The following CCZ1 variants were observed in gnomAD, a reference collection of about 807,000 sequenced individuals.
CCZ1 encodes the protein CCZ1 vacuolar protein trafficking and biogenesis associated.
In CCZ1, 19 loss-of-function variants were observed where a neutral mutation model predicts 57.8. The ratio of observed to expected loss-of-function variants is 0.33; its 90% CI spans 0.23 to 0.48. The LOEUF is 0.48. Ranked by LOEUF, CCZ1 falls within the 20% of genes least tolerant of loss-of-function variation. The pLI is 0.99. For synonymous variants in CCZ1, 81 were observed against 167.0 expected (o/e 0.49, Z 3.97); for missense variants, 200 against 492.0 (o/e 0.41, Z 5.61).
intron 12 of CCZ1, among the ~76,000 whole-genome samples, chr7:5,920,463 T>C: frequency 3.6e-5 from 3 of 82,756 alleles, no homozygotes; most frequent in Admixed American, 1.3e-4. Context: ...GAATTCTTTC[T>C]CCCTGGCTTT....
Position 5,923,665 on chromosome 7 carries a change from C to CCAAA in CCZ1, c.1265+123_1265+126dup, listed in dbSNP as rs1459934543. ...TGAACCACCTTCATGGGCGCCGCTT[C>CCAAA]CAAACAGACCCGGGAGCCCTGAAGT... On this transcript the variant is annotated intron_variant, in intron 13 of 14. Coordinates refer to ENST00000325974, the MANE Select transcript of CCZ1 (RefSeq NM_015622.6). 9 of 435,698 alleles carry CCAAA rather than the reference C, an allele frequency of 2.1e-5. No homozygotes were observed. In the African/African-American group the frequency reaches 2.3e-4, roughly 11 times the overall value. The allele number at this position is 435,698 out of a possible 1,614,324, so 27.0% of individuals were successfully genotyped here.
chr7:5,900,872 A>G lies in CCZ1; in HGVS notation c.330A>G (p.Ile110Met). The G allele has an allele frequency of 7.0e-7, 1 of 1,434,182 alleles. No individual in the cohort carries two copies. The highest frequency in any genetic ancestry group is 9.4e-7 in the Non-Finnish European group (1 of 1,061,858). 88.8% of individuals were successfully genotyped at this position (1,434,182 alleles called of 1,614,324 possible). A position where few individuals can be genotyped will look rare whatever the true frequency, so the allele number is the denominator to read the frequency against. ...CTTTGTAGGTTGTTCGGAATCCTAT[A>G]ATTGAAAAACAGAGTAAAGATGGAA... is the stretch of plus-strand genomic sequence containing the variant. ...FWMVMVVRNP[I>M]IEKQSKDGKP... is the part of the protein sequence containing the mutation. Residue 110 changes from isoleucine to methionine, a missense_variant, in exon 4 of 15, where the codon ATA becomes ATG. By Grantham distance (10) the Ile-to-Met change is conservative. This residue lies in a region of CCZ1 where 44 missense variants were observed against 122.8 expected (regional missense o/e 0.36). Transcript: ENST00000325974.
At chr7:5,908,753 A>C (rs1165687636) in intron 7 of CCZ1, among the ~76,000 whole-genome samples, 2 of 142,708 alleles carry the variant, frequency 1.4e-5, no homozygotes, top group Non-Finnish European at 3.0e-5. Context: ...CCTTTTAAAA[A>C]ACCGGTTCCA....
At chr7:5,901,207 G>A in intron 4 of CCZ1, 1 of 276,316 alleles carries the variant, frequency 3.6e-6, no homozygotes. Flanking sequence ...ACTTCTGGCT[G>A]GGAACAGTGG....
At chr7:5,920,568 C>T (rs1457010751) in intron 12 of CCZ1, among the ~76,000 whole-genome samples, 2 of 125,506 alleles carry the variant, frequency 1.6e-5, no homozygotes, top group African/African-American at 5.8e-5. Context: ...GCCTCCCAGG[C>T]TCAAGCGATT....
intron 8 of CCZ1, 41 bp from the exon 9 acceptor site, chr7:5,911,820 A>AT (rs777124334): frequency 8.6e-6 from 12 of 1,392,770 alleles, no homozygotes; most frequent in Non-Finnish European, 9.8e-6. Flanking sequence ...AAATAAATAA[A>AT]AAGTCTGATA....
intron 7 of CCZ1, among the ~76,000 whole-genome samples, chr7:5,908,998 A>C (rs62453591): frequency 0.025 from 3,055 of 123,734 alleles, 21 homozygotes; most frequent in East Asian, 0.13. Context: ...ATTACCATAT[A>C]ACCCAGGAAG....
In CCZ1 at chr7:5,925,715, T is replaced by TAA; in HGVS notation, c.*33_*34dup. 6.6e-7 allele frequency: 1 copy of TAA among 1,519,408 alleles called. No homozygotes were observed. The highest frequency in any genetic ancestry group is 9.1e-7 in the Non-Finnish European group (1 of 1,093,256). The allele number at this position is 1,519,408 out of a possible 1,614,324, so 94.1% of individuals were successfully genotyped here. On this transcript the variant is annotated 3_prime_UTR_variant, in exon 15 of 15. Transcript: ENST00000325974. ...GATGACGGCTCACCGAGAGCATATCTAAAAAACACTCTGCAAACATTTGGT... is the reference window on the plus strand; with the variant it reads ...GATGACGGCTCACCGAGAGCATATCTAAAAAAAACACTCTGCAAACATTTGGT...
In CCZ1 at chr7:5,902,668, A is replaced by C. The variant is rs1781711120; in HGVS notation, c.446A>C (p.Asn149Thr). 1.3e-6 allele frequency: 2 copies of C among 1,586,926 alleles called. No homozygotes were observed. Among genetic ancestry groups the C allele is most frequent in the African/African-American group, 2.8e-5 (2 of 72,580 alleles). Residue 149 changes from asparagine to threonine, a missense_variant, in exon 6 of 15, where the codon AAT (asparagine) becomes ACT (threonine). Asn to Thr is a moderately conservative substitution (Grantham distance 65, BLOSUM62 0). Transcript: ENST00000325974. ...AATCTTTTACCTCACTAGCTTTTTA[A>C]TGGTACATTTCTGAAAGCCATGGAA... is the stretch of plus-strand genomic sequence containing the variant. The part of the protein sequence containing the change: ...RQCYSMYKLF[N>T]GTFLKAMEDG...
chr7:5,904,415 G>A (rs1781755614), intron 6 of CCZ1, among the ~76,000 whole-genome samples: 1 of 146,498 alleles, frequency 6.8e-6, no homozygotes, highest in Non-Finnish European at 1.5e-5. Flanking sequence ...GTGCTAGCTG[G>A]GCACAGTGGC....
chr7:5,907,942 A>G (rs1340267966), intron 7 of CCZ1, among the ~76,000 whole-genome samples: 4 of 2,974 alleles, frequency 1.3e-3, no homozygotes, highest in South Asian at 0.031. Flanking sequence ...AAAAAATGGA[A>G]AAAAAAAAAA....
intron 7 of CCZ1, among the ~76,000 whole-genome samples, 167 bp from the exon 8 acceptor site, chr7:5,909,868 G>C (rs1234930846): frequency 6.6e-6 from 1 of 151,510 alleles, no homozygotes; most frequent in Non-Finnish European, 1.5e-5. Flanking sequence ...TACAAAAATA[G>C]ATTGCTTTGA....
intron 6 of CCZ1, among the ~76,000 whole-genome samples, chr7:5,903,273 G>C (rs1276488735): frequency 6.9e-6 from 1 of 144,214 alleles, no homozygotes; most frequent in Non-Finnish European, 1.5e-5. Context: ...ACCCTACCTT[G>C]TCAAGCTCAG....
At chr7:5,901,560 T>C (rs1225121369) in intron 4 of CCZ1, 97 bp from the exon 5 acceptor site, 27 of 1,499,000 alleles carry the variant, frequency 1.8e-5, no homozygotes, top group Non-Finnish European at 2.3e-5. Flanking sequence ...ATAAACATTA[T>C]ACTGTTTGGC....
intron 12 of CCZ1, among the ~76,000 whole-genome samples, chr7:5,920,616 C>T (rs1393964403): frequency 4.4e-5 from 6 of 136,048 alleles, no homozygotes; most frequent in Admixed American, 2.2e-4. Flanking sequence ...GGATTACAGG[C>T]GTGCACCACC....
At chr7:5,905,028 G>C in intron 6 of CCZ1, 66 bp from the exon 7 acceptor site, 1 of 1,289,244 alleles carries the variant, frequency 7.8e-7, no homozygotes, top group Non-Finnish European at 1.1e-6. Flanking sequence ...ATTATTTTCA[G>C]TTATCAAGGA....
chr7:5,902,517 T>G, intron 5 of CCZ1, 144 bp from the exon 6 acceptor site: 2 of 1,342,770 alleles, frequency 1.5e-6, no homozygotes, highest in Non-Finnish European at 1.9e-6. Context: ...AACTCAAGTT[T>G]TCTCATGTAA....
At chr7:5,899,334 G>GGGGT (rs1781626415) in intron 1 of CCZ1, among the ~76,000 whole-genome samples, 2 of 12,558 alleles carry the variant, frequency 1.6e-4, no homozygotes, top group East Asian at 3.0e-3. Flanking sequence ...TCGGGAGGGG[G>GGGGT]GTGTGTGTGT....
chr7:5,911,784 G>C, intron 8 of CCZ1, 77 bp from the exon 9 acceptor site: 3 of 944,528 alleles, frequency 3.2e-6, no homozygotes, highest in Non-Finnish European at 4.7e-6. Flanking sequence ...CCAATTAGTA[G>C]ATAATGCTGT....
Sources: allele counts gnomAD v4.1 joint callset (sites outside exome capture counted in the v4.1 genomes callset), GRCh38; gene constraint gnomAD v4.1.1; regional missense constraint gnomAD v4.1.1; transcripts MANE v1.5; gene names NCBI Gene and HGNC (gene_info 2026-07-23, HGNC 2026-07-21).